CCDC187: variants seen among roughly 807,000 people sequenced by gnomAD.
CCDC187 encodes coiled-coil domain-containing protein 187.
In CCDC187, 32 loss-of-function variants were observed where a neutral mutation model predicts 38.0. That is an observed-to-expected ratio of 0.84 (90% CI 0.64 to 1.13). The LOEUF (loss-of-function observed/expected upper bound fraction) is 1.13. Ranked by LOEUF, CCDC187 falls within the 50% of genes most tolerant of loss-of-function variation. CCDC187 has a pLI of 0.00. For missense variants in CCDC187, 707 were observed against 786.8 expected, an observed-to-expected ratio of 0.90 and a Z score of 1.21; for synonymous variants, 333 against 347.9, an observed-to-expected ratio of 0.96 and a Z score of 0.48.
At chr9:136,302,764 G>A (rs1054153338) in intron 2 of CCDC187, 48 bp downstream of exon 2, 28 of 399,042 alleles carry the variant, frequency 7.0e-5, no homozygotes, top group African/African-American at 4.7e-4. Context: ...CCACCCTCCC[G>A]ACAGCCTCGC....
chr9:136,253,652 T>G lies in CCDC187; in HGVS notation c.6176A>C (p.Glu2059Ala). 5.1e-6 allele frequency: 5 copies of G among 985,478 alleles called. No homozygotes were observed. Among genetic ancestry groups the G allele is most frequent in the Non-Finnish European group, 4.8e-6 (4 of 829,974 alleles). The allele number at this position is 985,478 out of a possible 1,614,324, so 61.0% of individuals were successfully genotyped here. A position where few individuals can be genotyped will look rare whatever the true frequency, so the allele number is the denominator to read the frequency against. Residue 2059 changes from glutamate (E) to alanine (A), a missense_variant, in exon 26 of 26, where the codon GAG becomes GCG. Glu to Ala is a moderately radical substitution (Grantham distance 107). Coordinates refer to ENST00000638797, the MANE Select transcript of CCDC187 (RefSeq NM_001378188.1). The part of the protein sequence containing the change: ...ITTQDLSSLS[E>A]ESLPEGLFPG... ...AAACAGTCCCTCCGGCAGACTCTCC[T>G]CAGACAAGGAGGACAAATCCTGGGT...
intron 25 of CCDC187, among the ~76,000 whole-genome samples, chr9:136,255,444 T>C (rs1378887574): frequency 2.6e-5 from 4 of 152,158 alleles, no homozygotes; most frequent in Non-Finnish European, 5.9e-5. Context: ...ATTAGGGATG[T>C]GGGTGGATCC....
intron 9 of CCDC187, 98 bp downstream of exon 9, chr9:136,285,415 G>T: frequency 6.8e-6 from 2 of 295,168 alleles, no homozygotes; most frequent in South Asian, 1.0e-4. Context: ...GGCAGCCCGT[G>T]AGCGTGGGCG....
chr9:136,289,247 G>A (rs1318796314), intron 7 of CCDC187, among the ~76,000 whole-genome samples: 2 of 152,120 alleles, frequency 1.3e-5, no homozygotes, highest in Non-Finnish European at 2.9e-5. Context: ...GCGGGGCGCG[G>A]TGACTCACTC....
Position 136,258,139 on chromosome 9 carries a change from A to G in CCDC187, c.4366+793T>C, listed in dbSNP as rs564531521. Among the ~76,000 whole-genome samples, 9 of 152,242 alleles carry G rather than the reference A, an allele frequency of 5.9e-5. No individual in the cohort carries two copies. In the East Asian group the frequency reaches 7.7e-4, roughly 13 times the overall value. ...CAGGCCCGGAGGTGACGCGGGACAC[A>G]GAGGGAAAGCGCTCTGTATTCACTC... On this transcript the variant is annotated intron_variant, in intron 22 of 25. Coordinates refer to ENST00000638797, the MANE Select transcript of CCDC187 (RefSeq NM_001378188.1). The surrounding 1 kb of genome is among the most constrained non-coding windows in gnomAD (Gnocchi z 4.3).
intron 2 of CCDC187, among the ~76,000 whole-genome samples, chr9:136,301,799 A>G (rs1396043795): frequency 6.6e-6 from 1 of 151,920 alleles, no homozygotes; most frequent in Non-Finnish European, 1.5e-5. Context: ...CATGTTAGCC[A>G]GGATAGTCTC....
chr9:136,273,989 C>T (rs1554762835), intron 14 of CCDC187, among the ~76,000 whole-genome samples: 3 of 152,222 alleles, frequency 2.0e-5, no homozygotes, highest in Non-Finnish European at 2.9e-5. Context: ...ACACATCACA[C>T]GAGAGGGGAG....
intron 4 of CCDC187, among the ~76,000 whole-genome samples, chr9:136,296,954 G>C (rs1831549873): frequency 6.6e-6 from 1 of 152,142 alleles, no homozygotes; most frequent in Admixed American, 6.6e-5. Context: ...GGAGGGAGTG[G>C]GGTCTGCGGA....
chr9:136,281,230 A>T (rs950494697), intron 10 of CCDC187: 54 of 396,308 alleles, frequency 1.4e-4, no homozygotes, highest in African/African-American at 1.0e-3. Context: ...AAAAAGTCGA[A>T]TCCGAGCTGA....
rs1252979231 is a variant in CCDC187, at chr9:136,251,895, G to A, written c.*1699C>T. The A allele has an allele frequency of 7.0e-6, 1 of 143,372 alleles. No homozygotes were observed. The highest frequency in any genetic ancestry group is 2.2e-4 in the South Asian group (1 of 4,506). 8.9% of individuals were successfully genotyped at this position (143,372 alleles called of 1,614,324 possible). On this transcript the variant is annotated 3_prime_UTR_variant, in exon 26 of 26. Coordinates refer to ENST00000638797, the MANE Select transcript of CCDC187 (RefSeq NM_001378188.1). ...CCGGGAAGGTCCAGGCGACCGTCCCGCGGAGCCGGCCGCCCACCTGGTCCA... is the reference window on the plus strand; with the variant it reads ...CCGGGAAGGTCCAGGCGACCGTCCCACGGAGCCGGCCGCCCACCTGGTCCA...
chr9:136,260,784 G>A lies in CCDC187; in HGVS notation c.4065-520C>T, dbSNP rs74846938. Among the ~76,000 whole-genome samples the A allele has an allele frequency of 8.3e-3, 1,261 of 152,334 alleles. 17 individuals are homozygous for A. The highest frequency in any genetic ancestry group is 0.029 in the African/African-American group (1,190 of 41,574). ...ATTCACAGATGGTCCAGGGTGAGCA[G>A]GAGGTTCAGAGGAGGGTGGCCCTAA... is the stretch of plus-strand genomic sequence containing the variant. On this transcript the variant is annotated intron_variant, in intron 19 of 25. Transcript: ENST00000638797.
intron 7 of CCDC187, among the ~76,000 whole-genome samples, chr9:136,288,047 G>A (rs1831223031): frequency 6.6e-6 from 1 of 152,212 alleles, no homozygotes. Flanking sequence ...GAAGTGAGAT[G>A]AGGCCCTGCA....
chr9:136,262,753 GC>G (rs1293775079), intron 18 of CCDC187, among the ~76,000 whole-genome samples: 1 of 152,176 alleles, frequency 6.6e-6, no homozygotes, highest in Non-Finnish European at 1.5e-5. Flanking sequence ...CTCTCCTGCA[GC>G]CCAGCCTGGA....
intron 4 of CCDC187, among the ~76,000 whole-genome samples, chr9:136,293,453 TCA>T (rs1246784095): frequency 9.7e-6 from 1 of 102,944 alleles, no homozygotes; most frequent in African/African-American, 3.9e-5. Flanking sequence ...TCACACATGC[TCA>T]CACTCACACT....
At chr9:136,255,605 C>A (rs1287405491) in intron 25 of CCDC187, 52 bp downstream of exon 25, 31 of 842,728 alleles carry the variant, frequency 3.7e-5, no homozygotes, top group Non-Finnish European at 4.3e-5. Context: ...GCTTGGGGGA[C>A]CCTTAGTGGG....
Position 136,254,408 on chromosome 9 carries a change from C to G in CCDC187, c.5420G>C (p.Arg1807Pro). 1 of 985,002 alleles carries G rather than the reference C, an allele frequency of 1.0e-6. No individual in the cohort carries two copies. Among genetic ancestry groups the G allele is most frequent in the Non-Finnish European group, 1.2e-6 (1 of 829,628 alleles). 61.0% of individuals were successfully genotyped at this position (985,002 alleles called of 1,614,324 possible). A position where few individuals can be genotyped will look rare whatever the true frequency, so the allele number is the denominator to read the frequency against. ...AGAAGCTTCCCGCCCCTCCCCGGAC[C>G]GTGGGGAGGGAGGAGCCACCTGGGG... is the stretch of plus-strand genomic sequence containing the variant. ...VEPQVAPPSP[R>P]SGEGREASGT... The change falls in exon 26 of 26, where the codon CGG (arginine) becomes CCG (proline). Residue 1807 changes from arginine to proline, a missense_variant. By Grantham distance (103) the Arg-to-Pro change is moderately radical. Coordinates refer to ENST00000638797, the MANE Select transcript of CCDC187 (RefSeq NM_001378188.1).
At chr9:136,289,313 T>A (rs1449492799) in intron 7 of CCDC187, among the ~76,000 whole-genome samples, 1 of 150,174 alleles carries the variant, frequency 6.7e-6, no homozygotes, top group Non-Finnish European at 1.5e-5. Context: ...AGGTTGGGAG[T>A]TCGAGACTAG....
In CCDC187 at chr9:136,267,473, T is replaced by C; in HGVS notation, c.3558A>G (p.Ala1186=). The part of the protein sequence containing the change: ...ERSLREEELR[A]QHQAALLRLR... The stretch of plus-strand genomic sequence containing the variant: ...GGCGCAGCAGCGCGGCCTGGTGCTG[T>C]GCTCGCAGCTCCTCCTCCCGCAGGC... Residue 1186 remains alanine (A), a synonymous_variant, in exon 16 of 26, where the codon GCA becomes GCG. Transcript: ENST00000638797. 1.0e-6 allele frequency: 1 copy of C among 985,690 alleles called. No individual in the cohort carries two copies. The highest frequency in any genetic ancestry group is 1.2e-6 in the Non-Finnish European group (1 of 830,102). The allele number at this position is 985,690 out of a possible 1,614,324, so 61.1% of individuals were successfully genotyped here.
chr9:136,297,971 C>T (rs1372648228), intron 3 of CCDC187, 150 bp from the exon 4 acceptor site: 2 of 393,682 alleles, frequency 5.1e-6, no homozygotes, highest in East Asian at 7.2e-5. Context: ...TGGCGAGAGC[C>T]AGGGTGGGCA....
Sources: allele counts gnomAD v4.1 joint callset (sites outside exome capture counted in the v4.1 genomes callset), GRCh38; gene constraint gnomAD v4.1.1; non-coding constraint Gnocchi (gnomAD v3.1); transcripts MANE v1.5; gene names NCBI Gene and HGNC (gene_info 2026-07-23, HGNC 2026-07-21).